HDAC9: variants seen among roughly 807,000 people sequenced by gnomAD.
HDAC9 encodes MEF-2 interacting transcription repressor (MITR) protein.
HDAC9 carries 41 observed loss-of-function variants against 139.4 expected under a neutral mutation model. That is an observed-to-expected ratio of 0.29 (90% CI 0.23 to 0.38). HDAC9 has a LOEUF of 0.38. Ranked by LOEUF, HDAC9 falls within the 10% of genes least tolerant of loss-of-function variation. HDAC9 has a pLI of 1.00. For missense variants in HDAC9, 1,147 were observed against 1,297.0 expected (o/e 0.88, Z 1.78); for synonymous variants, 517 against 476.2 (o/e 1.09, Z -1.12).
At chr7:18,363,126 A>T (rs1001075045) in intron 1 of HDAC9, among the ~76,000 whole-genome samples, 1 of 152,192 alleles carries the variant, frequency 6.6e-6, no homozygotes, top group African/African-American at 2.4e-5. Flanking sequence ...AGTTATAATT[A>T]ATTCGGTTTA....
At chr7:18,854,310 G>T (rs948396119) in intron 21 of HDAC9, among the ~76,000 whole-genome samples, 2 of 152,068 alleles carry the variant, frequency 1.3e-5, no homozygotes, top group African/African-American at 4.8e-5. Context: ...AGCTCTATCT[G>T]CCAGGTGATA....
chr7:18,127,130 T>C (rs1784721701), intron 1 of HDAC9: 1 of 167,650 alleles, frequency 6.0e-6, no homozygotes, highest in African/African-American at 2.4e-5. Flanking sequence ...TCAATATTAG[T>C]GTGACTTGTG....
At chr7:18,731,632 T>C (rs564501319) in intron 13 of HDAC9, among the ~76,000 whole-genome samples, 44 of 152,306 alleles carry the variant, frequency 2.9e-4, no homozygotes, top group South Asian at 4.1e-4. Flanking sequence ...TTTTTAAAGA[T>C]AATTTTTTTT....
chr7:18,404,862 C>T (rs1376251796), intron 1 of HDAC9, among the ~76,000 whole-genome samples: 5 of 152,110 alleles, frequency 3.3e-5, no homozygotes, highest in Non-Finnish European at 5.9e-5. Context: ...AAAAGAAGTA[C>T]GATTATTGTT....
chr7:18,641,272 A>G (rs1048442939), intron 8 of HDAC9, among the ~76,000 whole-genome samples: 6 of 152,110 alleles, frequency 3.9e-5, no homozygotes, highest in Non-Finnish European at 7.4e-5. Context: ...GAAATTAAAT[A>G]AGATTTTGAA....
chr7:18,863,601 C>A (rs2129236483), intron 21 of HDAC9, among the ~76,000 whole-genome samples: 1 of 151,922 alleles, frequency 6.6e-6, no homozygotes, highest in East Asian at 1.9e-4. Flanking sequence ...CATCTGTGAA[C>A]AAAGAGACAA....
chr7:18,245,011 A>ATCTATCTATCTATCTG (rs1267805497), intron 2 of HDAC9, among the ~76,000 whole-genome samples: 3 of 151,888 alleles, frequency 2.0e-5, no homozygotes, highest in Non-Finnish European at 2.9e-5. Context: ...CTATCTATCT[A>ATCTATCTATCTATCTG]TCTATCTATC....
chr7:18,700,850 C>T (rs1013397551), intron 12 of HDAC9, among the ~76,000 whole-genome samples: 1 of 152,142 alleles, frequency 6.6e-6, no homozygotes, highest in African/African-American at 2.4e-5. Context: ...CTGGCAAGCA[C>T]TTTTTAAGTG....
At chr7:18,134,504 CTGTT>C (rs1785254501) in intron 1 of HDAC9, among the ~76,000 whole-genome samples, 2 of 152,198 alleles carry the variant, frequency 1.3e-5, no homozygotes, top group South Asian at 2.1e-4. Flanking sequence ...ACGCATGACT[CTGTT>C]TGAAGCAGTA....
At chr7:18,102,218 A>G (rs914210735) in intron 1 of HDAC9, among the ~76,000 whole-genome samples, 1 of 152,230 alleles carries the variant, frequency 6.6e-6, no homozygotes, top group African/African-American at 2.4e-5. Flanking sequence ...TAAGGGCACA[A>G]TTGACTGTGA....
chr7:18,904,618 C>T (rs1802037974), intron 22 of HDAC9, among the ~76,000 whole-genome samples: 1 of 141,714 alleles, frequency 7.1e-6, no homozygotes, highest in Admixed American at 7.2e-5. Flanking sequence ...CTCGCTGTCT[C>T]CCAGGCTGAA....
At chr7:18,819,860 T>C (rs1794833323) in intron 17 of HDAC9, among the ~76,000 whole-genome samples, 1 of 152,234 alleles carries the variant, frequency 6.6e-6, no homozygotes, top group African/African-American at 2.4e-5. Flanking sequence ...TTAAGTTGAC[T>C]GAAATCCACA....
At chr7:18,221,635 C>A (rs1419272138) in intron 2 of HDAC9, among the ~76,000 whole-genome samples, 1 of 152,176 alleles carries the variant, frequency 6.6e-6, no homozygotes, top group Non-Finnish European at 1.5e-5. Flanking sequence ...TGCTTTGTAA[C>A]ATGATGCTTC....
At chr7:18,582,518 A>ATTTT (rs776229512) in intron 2 of HDAC9, among the ~76,000 whole-genome samples, 1 of 151,584 alleles carries the variant, frequency 6.6e-6, no homozygotes, top group African/African-American at 2.4e-5. Flanking sequence ...ATATATATAT[A>ATTTT]TATTTTTTAA....
At chr7:18,730,287 A>T (rs1417061723) in intron 13 of HDAC9, among the ~76,000 whole-genome samples, 2 of 152,208 alleles carry the variant, frequency 1.3e-5, no homozygotes, top group African/African-American at 4.8e-5. Context: ...TTTCCCCTGT[A>T]GCCTGAAAAC....
At chr7:18,820,276 A>T (rs1794865452) in intron 17 of HDAC9, among the ~76,000 whole-genome samples, 1 of 152,220 alleles carries the variant, frequency 6.6e-6, no homozygotes, top group Admixed American at 6.5e-5. Context: ...AGAAATTCTC[A>T]TTGAAGAGAG....
chr7:18,990,491 C>A (rs998244786), intron 25 of HDAC9, among the ~76,000 whole-genome samples: 1 of 152,246 alleles, frequency 6.6e-6, no homozygotes, highest in African/African-American at 2.4e-5. Context: ...GAGGTTACTG[C>A]TGTCTTTTTG....
At chr7:18,560,248 C>G (rs887852000) in intron 2 of HDAC9, among the ~76,000 whole-genome samples, 23 of 152,152 alleles carry the variant, frequency 1.5e-4, no homozygotes, top group African/African-American at 5.3e-4. Context: ...TGGGCTCACT[C>G]CTGCTATTCT....
intron 2 of HDAC9, among the ~76,000 whole-genome samples, chr7:18,211,994 A>G (rs1562753966): frequency 1.3e-5 from 2 of 152,146 alleles, no homozygotes; most frequent in Admixed American, 6.5e-5. Flanking sequence ...AGTAACTAAA[A>G]AATTGATTTG....
Sources: gnomAD v4.1 joint callset for allele counts (sites outside exome capture counted in the v4.1 genomes callset) on GRCh38, gnomAD v4.1.1 for gene constraint, MANE v1.5 for transcripts, NCBI Gene and HGNC (gene_info 2026-07-23, HGNC 2026-07-21) for gene names.